INPP4B: variants seen among roughly 807,000 people sequenced by gnomAD.
INPP4B encodes the protein inositol polyphosphate-4-phosphatase type II B.
INPP4B carries 55 observed loss-of-function variants against 122.5 expected under a neutral mutation model. That is an observed-to-expected ratio of 0.45 (90% CI 0.36 to 0.56). The LOEUF is 0.56. Among genes scored for constraint, INPP4B ranks in the 20% least tolerant of loss-of-function variants. INPP4B has a pLI of 0.00. For synonymous variants in INPP4B, 403 were observed against 388.7 expected, an observed-to-expected ratio of 1.04 and a Z score of -0.43; for missense variants, 1,000 against 1,097.7, an observed-to-expected ratio of 0.91 and a Z score of 1.26.
Position 142,333,022 on chromosome 4 carries a change from A to C in INPP4B, c.373-18260T>G, listed in dbSNP as rs1262881405. ...CAAGACTCCGTCTCAAAAAAAAAAA[A>C]AAAAACAAAAAAAAAACCTTCTAAA... On this transcript the variant is annotated intron_variant, in intron 7 of 25. Coordinates refer to ENST00000262992, the MANE Select transcript of INPP4B (RefSeq NM_001101669.3). Among the ~76,000 whole-genome samples, 44 of 150,788 alleles carry C rather than the reference A, an allele frequency of 2.9e-4. 1 individual carries two copies. The highest frequency in any genetic ancestry group is 7.7e-4 in the East Asian group (4 of 5,170).
At chr4:142,633,997 G>C (rs1748549146) in intron 2 of INPP4B, among the ~76,000 whole-genome samples, 2 of 151,694 alleles carry the variant, frequency 1.3e-5, no homozygotes, top group Non-Finnish European at 2.9e-5. Context: ...CTGCACTCCA[G>C]CCTGACCAAC....
intron 12 of INPP4B, 56 bp from the exon 13 acceptor site, chr4:142,209,082 A>T (rs1579294737): frequency 1.5e-6 from 2 of 1,339,540 alleles, no homozygotes; most frequent in Middle Eastern, 4.5e-4. Context: ...CCATAAACGC[A>T]TAACCCTTAG....
At chr4:142,192,893 G>A (rs377197672) in intron 15 of INPP4B, among the ~76,000 whole-genome samples, 194 bp downstream of exon 15, 6 of 152,138 alleles carry the variant, frequency 3.9e-5, no homozygotes, top group African/African-American at 1.4e-4. Context: ...CACTAACTAA[G>A]CAAGACACTT....
intron 25 of INPP4B, among the ~76,000 whole-genome samples, chr4:142,042,264 G>A (rs926496346): frequency 1.3e-5 from 2 of 152,018 alleles, no homozygotes; most frequent in African/African-American, 2.4e-5. Flanking sequence ...AATACTTCCC[G>A]AAGAGCTTCC....
intron 10 of INPP4B, among the ~76,000 whole-genome samples, chr4:142,266,953 A>C (rs1456560063): frequency 1.3e-5 from 2 of 152,168 alleles, no homozygotes; most frequent in African/African-American, 2.4e-5. Flanking sequence ...AAATTAAGAA[A>C]TCAATCCCAT....
rs2151507724 is a variant in INPP4B at position 142,328,933 on chromosome 4, TCAGAGGTGGATGTGATGATTACCA to T, written c.373-14195_373-14172del. Among the ~76,000 whole-genome samples, 3 of 152,266 alleles carry T rather than the reference TCAGAGGTGGATGTGATGATTACCA, an allele frequency of 2.0e-5. 1 individual carries two copies. The South Asian group carries it at 6.2e-4, about 32-fold the overall frequency. ...AGACAGCTTCTTTCCAGAGTCTCTT[TCAGAGGTGGATGTGATGATTACCA>T]CAGACACCCAATAATCCAGCCAGCC... On this transcript the variant is annotated intron_variant, in intron 7 of 25. Transcript: ENST00000262992.
At chr4:142,493,291 G>A (rs1822112232) in intron 2 of INPP4B, among the ~76,000 whole-genome samples, 1 of 152,170 alleles carries the variant, frequency 6.6e-6, no homozygotes, top group Admixed American at 6.5e-5. Context: ...TGTGGGGTTG[G>A]AGCCCACACA....
At chr4:142,504,897 G>A (rs764935352) in intron 2 of INPP4B, among the ~76,000 whole-genome samples, 3 of 152,002 alleles carry the variant, frequency 2.0e-5, no homozygotes, top group African/African-American at 4.8e-5. Flanking sequence ...CTTGCATGAC[G>A]TGACGTGATG....
intron 25 of INPP4B, among the ~76,000 whole-genome samples, chr4:142,055,103 A>AT (rs1371992803): frequency 6.6e-6 from 1 of 152,018 alleles, no homozygotes; most frequent in East Asian, 1.9e-4. Context: ...TATTTTAATA[A>AT]TTTTTTTGTG....
chr4:142,314,560 A>G, intron 8 of INPP4B, 152 bp downstream of exon 8: 2 of 704,696 alleles, frequency 2.8e-6, no homozygotes, highest in Admixed American at 3.1e-5. Context: ...CATGCAATTC[A>G]GCAAATATGT....
At chr4:142,288,494 G>T (rs566590901) in intron 9 of INPP4B, among the ~76,000 whole-genome samples, 1 of 152,312 alleles carries the variant, frequency 6.6e-6, no homozygotes, top group African/African-American at 2.4e-5. Context: ...TGAGGCAGGA[G>T]AATGGTGTGA....
chr4:142,606,346 G>A (rs1291299485), intron 2 of INPP4B, among the ~76,000 whole-genome samples: 1 of 151,772 alleles, frequency 6.6e-6, no homozygotes, highest in Non-Finnish European at 1.5e-5. Flanking sequence ...AGCAGATCAA[G>A]GTACTAGCAA....
At chr4:142,233,883 T>G (rs1171443954) in intron 12 of INPP4B, among the ~76,000 whole-genome samples, 1 of 152,108 alleles carries the variant, frequency 6.6e-6, no homozygotes, top group Non-Finnish European at 1.5e-5. Flanking sequence ...TATCTTCAAG[T>G]AGGATTTTCA....
chr4:142,693,099 T>C (rs1001306112), intron 2 of INPP4B, among the ~76,000 whole-genome samples: 2 of 152,122 alleles, frequency 1.3e-5, no homozygotes, highest in African/African-American at 4.8e-5. Flanking sequence ...TCCCCAAAGC[T>C]GTAAATGGAC....
At chr4:142,078,449 T>C (rs571629200) in intron 25 of INPP4B, among the ~76,000 whole-genome samples, 1 of 151,802 alleles carries the variant, frequency 6.6e-6, no homozygotes, top group South Asian at 2.1e-4. Context: ...TAGAAACCCA[T>C]GTCATTCACG....
chr4:142,188,518 A>AAAAAAAAT lies in INPP4B; in HGVS notation c.1181+4568_1181+4569insATTTTTTT, dbSNP rs1834267141. ...AAAAAAAAAAAAAAAAAAGAAAAAA[A>AAAAAAAAT]ATATATATAGCTTGACTTATGAGTT... is the stretch of plus-strand genomic sequence containing the variant. On this transcript the variant is annotated intron_variant, in intron 15 of 25. Transcript: ENST00000262992. Among the ~76,000 whole-genome samples the AAAAAAAAT allele has an allele frequency of 3.8e-5, 4 of 105,096 alleles. 1 individual carries two copies. Among genetic ancestry groups the AAAAAAAAT allele is most frequent in the Non-Finnish European group, 7.5e-5 (4 of 53,206 alleles). The allele number at this position is 105,096 out of a possible 152,430, so 68.9% of individuals were successfully genotyped here. A position where few individuals can be genotyped will look rare whatever the true frequency, so the allele number is the denominator to read the frequency against.
intron 11 of INPP4B, among the ~76,000 whole-genome samples, chr4:142,254,410 T>C (rs1734466738): frequency 6.9e-6 from 1 of 145,188 alleles, no homozygotes; most frequent in Non-Finnish European, 1.5e-5. Context: ...TACTCCGAGC[T>C]ACGGGAGGAC....
chr4:142,767,636 G>A (rs951798497), intron 1 of INPP4B: 3 of 152,170 alleles, frequency 2.0e-5, no homozygotes, highest in African/African-American at 4.8e-5. Flanking sequence ...GATCTTGGAT[G>A]CAGGTATTTG....
At chr4:142,562,409 A>T (rs1339138841) in intron 2 of INPP4B, among the ~76,000 whole-genome samples, 1 of 152,180 alleles carries the variant, frequency 6.6e-6, no homozygotes, top group Non-Finnish European at 1.5e-5. Flanking sequence ...GCCAGACTGT[A>T]TCAAAAGTAG....
Sources: allele counts gnomAD v4.1 joint callset (sites outside exome capture counted in the v4.1 genomes callset), GRCh38; gene constraint gnomAD v4.1.1; transcripts MANE v1.5; gene names NCBI Gene and HGNC (gene_info 2026-07-23, HGNC 2026-07-21).